Variants in SPIB observed in about 807,000 individuals in gnomAD.
SPIB encodes Spi-B transcription factor.
SPIB carries 7 observed loss-of-function variants against 31.9 expected under a neutral mutation model. That is an observed-to-expected ratio of 0.22 (90% CI 0.12 to 0.41). SPIB has a LOEUF of 0.41. SPIB is among the 10% of genes least tolerant of loss of function. The pLI is 1.00. For missense variants in SPIB, 327 were observed against 360.2 expected, an observed-to-expected ratio of 0.91 and a Z score of 0.75; for synonymous variants, 176 against 158.9, an observed-to-expected ratio of 1.11 and a Z score of -0.81.
chr19:50,427,117 G>A (rs904682331), intron 5 of SPIB, among the ~76,000 whole-genome samples: 10 of 151,528 alleles, frequency 6.6e-5, no homozygotes, highest in African/African-American at 2.4e-4. Flanking sequence ...GTGACAGAAC[G>A]AGACCCTGCC....
At chr19:50,427,708 C>T (rs1244018374) in intron 5 of SPIB, among the ~76,000 whole-genome samples, 1 of 152,260 alleles carries the variant, frequency 6.6e-6, no homozygotes, top group Non-Finnish European at 1.5e-5. Flanking sequence ...CAACCCATTT[C>T]ACAGATTCTT....
At chr19:50,422,261 C>T (rs1601261557) in intron 2 of SPIB, among the ~76,000 whole-genome samples, 1 of 152,180 alleles carries the variant, frequency 6.6e-6, no homozygotes, top group African/African-American at 2.4e-5. Context: ...CTGCTGTGTG[C>T]CCCTATTGGG....
chr19:50,428,648 T>G lies in SPIB; in HGVS notation c.*312T>G. 1 of 357,870 alleles carries G rather than the reference T, an allele frequency of 2.8e-6. No homozygotes were observed. Among genetic ancestry groups the G allele is most frequent in the Non-Finnish European group, 5.0e-6 (1 of 199,250 alleles). The allele number at this position is 357,870 out of a possible 1,614,324, so 22.2% of individuals were successfully genotyped here. ...AGGCAGGGTAGCAGTTCTTCCAGAA[T>G]CCCAAGAGCTTCTCTGGGATTTTCT... On this transcript the variant is annotated 3_prime_UTR_variant, in exon 6 of 6. Coordinates refer to ENST00000595883, the MANE Select transcript of SPIB (RefSeq NM_003121.5). The surrounding 1 kb of genome is among the most constrained non-coding windows in gnomAD (Gnocchi z 6.5).
intron 1 of SPIB, 84 bp from the exon 2 acceptor site, chr19:50,419,859 TGCC>T: frequency 1.4e-6 from 2 of 1,404,180 alleles, no homozygotes; most frequent in Non-Finnish European, 1.9e-6. Context: ...TCACAGCTGC[TGCC>T]GCCTCCCCAT....
intron 2 of SPIB, among the ~76,000 whole-genome samples, chr19:50,421,051 T>C (rs2039488322): frequency 6.6e-6 from 1 of 152,212 alleles, no homozygotes; most frequent in Non-Finnish European, 1.5e-5. Context: ...TAGTACTCTA[T>C]CTATGATCAG....
chr19:50,426,743 C>T (rs993455357), intron 5 of SPIB, among the ~76,000 whole-genome samples: 20 of 152,212 alleles, frequency 1.3e-4, no homozygotes, highest in Non-Finnish European at 2.4e-4. Flanking sequence ...GATCTGCCCA[C>T]CTTGGCCTCC....
intron 5 of SPIB, among the ~76,000 whole-genome samples, chr19:50,426,890 GAGGCCGAGGTGGGAGGATCACCTGAGGCC>G (rs1390455405): frequency 3.9e-5 from 6 of 151,976 alleles, no homozygotes; most frequent in Non-Finnish European, 2.9e-5. Flanking sequence ...AGCATTTTGG[GAGGCCGAGGTGGGAGGATCACCTGAGGCC>G]AGGAGTTCAA....
rs534350893 is a variant in SPIB, at chr19:50,428,434, T to C, written c.*98T>C. ...AAGGGCGTCCCCACACTCTAGGTGA[T>C]AGGACTTACGCATCCCCACCTTTTG... On this transcript the variant is annotated 3_prime_UTR_variant, in exon 6 of 6. Transcript: ENST00000595883. This position sits in a 1 kb window ranked among gnomAD's most constrained non-coding sequence, Gnocchi z 6.5. 1.4e-5 allele frequency: 19 copies of C among 1,321,232 alleles called. No individual in the cohort carries two copies. The highest frequency in any genetic ancestry group is 1.7e-5 in the Non-Finnish European group (17 of 991,288). 81.8% of individuals were successfully genotyped at this position (1,321,232 alleles called of 1,614,324 possible). A position where few individuals can be genotyped will look rare whatever the true frequency, so the allele number is the denominator to read the frequency against.
intron 2 of SPIB, among the ~76,000 whole-genome samples, chr19:50,422,032 G>A (rs1393513550): frequency 6.6e-6 from 1 of 152,256 alleles, no homozygotes; most frequent in Non-Finnish European, 1.5e-5. Context: ...TGACAGGCGT[G>A]AGCCACCACG....
intron 5 of SPIB, among the ~76,000 whole-genome samples, chr19:50,427,745 A>G (rs895362800): frequency 6.6e-6 from 1 of 152,242 alleles, no homozygotes; most frequent in Non-Finnish European, 1.5e-5. Context: ...CAAATATGGA[A>G]TATTACGTGC....
intron 5 of SPIB, 113 bp from the exon 6 acceptor site, chr19:50,427,925 A>T (rs1029035439): frequency 9.7e-7 from 1 of 1,025,966 alleles, no homozygotes; most frequent in African/African-American, 2.4e-5. Context: ...CCCTCACCCC[A>T]CTTTTCAGAT....
chr19:50,423,536 G>A (rs1280150457), intron 4 of SPIB, 69 bp from the exon 5 acceptor site: 4 of 1,575,384 alleles, frequency 2.5e-6, no homozygotes, highest in Non-Finnish European at 3.5e-6. Flanking sequence ...CCACCGCCTT[G>A]GCCTGAGAGG....
chr19:50,424,065 C>G (rs2039535511), intron 5 of SPIB, among the ~76,000 whole-genome samples: 1 of 152,134 alleles, frequency 6.6e-6, no homozygotes, highest in Non-Finnish European at 1.5e-5. Context: ...AAGTCAACCT[C>G]TTCACCATCA....
At chr19:50,419,075 C>A in intron 1 of SPIB, 90 bp downstream of exon 1, 1 of 1,482,630 alleles carries the variant, frequency 6.7e-7, no homozygotes, top group Non-Finnish European at 9.2e-7. Flanking sequence ...TTTCTCTGCT[C>A]CTCACGGCCG....
rs1312842759 is a variant in SPIB, at chr19:50,426,395, T to C, written c.491-1643T>C. On this transcript the variant is annotated intron_variant, in intron 5 of 5. Coordinates refer to ENST00000595883, the MANE Select transcript of SPIB (RefSeq NM_003121.5). ...AGGAGTCAGTTGCATAAGAGAGATA[T>C]CTGGGTCAGCCACACTGAGGAACTC... 3.3e-5 allele frequency among the ~76,000 whole-genome samples: 5 copies of C among 151,982 alleles called. No homozygotes were observed. The East Asian group carries it at 9.7e-4, about 29-fold the overall frequency.
Position 50,428,223 on chromosome 19 carries a change from A to G in SPIB, c.676A>G (p.Lys226Glu). 6.4e-7 allele frequency: 1 copy of G among 1,571,620 alleles called. No individual in the cohort carries two copies. The highest frequency in any genetic ancestry group is 8.6e-7 in the Non-Finnish European group (1 of 1,158,160). The change falls in exon 6 of 6, where the codon AAG becomes GAG. Residue 226 changes from lysine to glutamate, a missense_variant. Transcript: ENST00000595883. The surrounding 1 kb of genome is among the most constrained non-coding windows in gnomAD (Gnocchi z 6.5). Reference protein sequence around the residue: ...KGNRKRMTYQKLARALRNYAK... With the variant: ...KGNRKRMTYQELARALRNYAK... ...GAACCGCAAGCGCATGACCTACCAG[A>G]AGCTGGCGCGCGCCCTCCGAAACTA...
chr19:50,422,688 C>T, intron 3 of SPIB, 135 bp from the exon 4 acceptor site: 2 of 1,057,038 alleles, frequency 1.9e-6, no homozygotes, highest in South Asian at 2.9e-5. Flanking sequence ...TCCTCTCCTA[C>T]CCATCCGCTC....
chr19:50,424,219 G>A (rs572612574), intron 5 of SPIB, among the ~76,000 whole-genome samples: 22 of 152,286 alleles, frequency 1.4e-4, no homozygotes, highest in African/African-American at 5.1e-4. Context: ...CTGGGCCTCG[G>A]TTTCTCGTCT....
chr19:50,420,815 G>T (rs1387081761), intron 2 of SPIB, among the ~76,000 whole-genome samples: 1 of 151,978 alleles, frequency 6.6e-6, no homozygotes, highest in Non-Finnish European at 1.5e-5. Flanking sequence ...TTTAGTAGAG[G>T]CAGGGTTTCA....
Sources: allele counts gnomAD v4.1 joint callset (sites outside exome capture counted in the v4.1 genomes callset), GRCh38; gene constraint gnomAD v4.1.1; non-coding constraint Gnocchi (gnomAD v3.1); transcripts MANE v1.5; gene names NCBI Gene and HGNC (gene_info 2026-07-23, HGNC 2026-07-21).